Variants in CTTNBP2 observed in about 807,000 individuals in gnomAD.
CTTNBP2 encodes the protein cortactin binding protein 2, also known as cortactin-binding protein 2.
In CTTNBP2, 108 loss-of-function variants were observed where a neutral mutation model predicts 156.9. The observed-to-expected ratio is 0.69, with a 90% CI of 0.59 to 0.81. The LOEUF (loss-of-function observed/expected upper bound fraction) is 0.81. CTTNBP2 is among the 30% of genes least tolerant of loss of function. CTTNBP2 has a pLI of 0.00. For missense variants in CTTNBP2, 1,924 were observed against 2,035.4 expected (o/e 0.95, Z 1.05); for synonymous variants, 767 against 751.8 (o/e 1.02, Z -0.33).
At chr7:117,827,370 C>T (rs1801346392) in intron 2 of CTTNBP2, among the ~76,000 whole-genome samples, 1 of 152,116 alleles carries the variant, frequency 6.6e-6, no homozygotes, top group Non-Finnish European at 1.5e-5. Context: ...ACAGGAGTTT[C>T]CCCCACTTGT....
intron 3 of CTTNBP2, among the ~76,000 whole-genome samples, chr7:117,802,044 C>T (rs1400494544): frequency 1.4e-5 from 2 of 143,206 alleles, no homozygotes; most frequent in Non-Finnish European, 3.1e-5. Context: ...TCTCCCAATG[C>T]TATCCCTCCC....
chr7:117,719,487 C>A lies in CTTNBP2; in HGVS notation c.4644+17G>T. 1 of 1,608,338 alleles carries A rather than the reference C, an allele frequency of 6.2e-7. No homozygotes were observed. Among genetic ancestry groups the A allele is most frequent in the South Asian group, 1.1e-5 (1 of 90,124 alleles). On this transcript the variant is annotated intron_variant, in intron 21 of 22. Coordinates refer to ENST00000160373, the MANE Select transcript of CTTNBP2 (RefSeq NM_033427.3). Reference sequence around the variant, plus strand: ...GTTGAGTAGAGCCATTCAATGCCCCCCATTTGTACTGCTCACCTTGCTGAT... The same window carrying A: ...GTTGAGTAGAGCCATTCAATGCCCCACATTTGTACTGCTCACCTTGCTGAT...
intron 3 of CTTNBP2, among the ~76,000 whole-genome samples, chr7:117,797,955 C>G (rs1799413935): frequency 6.6e-6 from 1 of 152,078 alleles, no homozygotes; most frequent in Non-Finnish European, 1.5e-5. Flanking sequence ...ATCCAGGAAG[C>G]TCAGCAATTT....
intron 2 of CTTNBP2, among the ~76,000 whole-genome samples, chr7:117,817,560 A>G (rs1025302661): frequency 1.3e-5 from 2 of 151,008 alleles, no homozygotes; most frequent in Non-Finnish European, 2.9e-5. Flanking sequence ...AATAAAAGAA[A>G]GCGTACTTAA....
At chr7:117,817,862 C>A (rs1269589149) in intron 2 of CTTNBP2, among the ~76,000 whole-genome samples, 2 of 152,068 alleles carry the variant, frequency 1.3e-5, no homozygotes, top group Admixed American at 6.6e-5. Flanking sequence ...TATAGATAAG[C>A]AGACTGAGGC....
chr7:117,853,955 GT>G (rs534296501), intron 2 of CTTNBP2, among the ~76,000 whole-genome samples: 2 of 152,060 alleles, frequency 1.3e-5, no homozygotes, highest in Non-Finnish European at 1.5e-5. Flanking sequence ...TTTTTTGTTT[GT>G]TTTTTACTAA....
At chr7:117,720,871 C>T (rs573370008) in intron 20 of CTTNBP2, among the ~76,000 whole-genome samples, 196 bp downstream of exon 20, 3 of 152,064 alleles carry the variant, frequency 2.0e-5, no homozygotes, top group Admixed American at 6.6e-5. Context: ...TTAATCTTAA[C>T]GAACAATTTA....
At chr7:117,717,721 T>C (rs1794508699) in intron 22 of CTTNBP2, among the ~76,000 whole-genome samples, 2 of 150,896 alleles carry the variant, frequency 1.3e-5, no homozygotes, top group Admixed American at 1.3e-4. Context: ...AACTACAATA[T>C]TTCTAGTTTT....
chr7:117,837,725 C>T (rs576558499), intron 2 of CTTNBP2, among the ~76,000 whole-genome samples: 2 of 152,182 alleles, frequency 1.3e-5, no homozygotes, highest in African/African-American at 4.8e-5. Context: ...TGACTGTGAT[C>T]CATCCCATGA....
At chr7:117,836,468 G>A (rs1801945310) in intron 2 of CTTNBP2, among the ~76,000 whole-genome samples, 1 of 152,178 alleles carries the variant, frequency 6.6e-6, no homozygotes, top group African/African-American at 2.4e-5. Flanking sequence ...GGAGGCTGAG[G>A]CAGGAGAATG....
At chr7:117,747,489 TG>T (rs1254698978) in intron 12 of CTTNBP2, among the ~76,000 whole-genome samples, 1 of 152,182 alleles carries the variant, frequency 6.6e-6, no homozygotes, top group African/African-American at 2.4e-5. Flanking sequence ...ACTTGAGCTT[TG>T]GGCCGCACGT....
At chr7:117,743,897 G>C (rs545845930) in intron 14 of CTTNBP2, among the ~76,000 whole-genome samples, 1 of 150,212 alleles carries the variant, frequency 6.7e-6, no homozygotes, top group East Asian at 2.0e-4. Flanking sequence ...TCTAGCCCAA[G>C]ACTGGCCTGT....
rs777493650 is a variant in CTTNBP2, at chr7:117,734,924, C to A, written c.3865G>T (p.Val1289Phe). 1 of 1,592,958 alleles carries A rather than the reference C, an allele frequency of 6.3e-7. No individual in the cohort carries two copies. Among genetic ancestry groups the A allele is most frequent in the Non-Finnish European group, 8.6e-7 (1 of 1,165,858 alleles). ...TTGCTGTTTGTTACCTTATTCACAA[C>A]TTTCCTTCGTAAGAACCTCTGCAGC... ...GLLQRFLRRK[V>F]VNKFKGQAPS... is the part of the protein sequence containing the mutation. The change falls in exon 16 of 23, where the codon GTT becomes TTT. Residue 1289 changes from valine to phenylalanine, a missense_variant. Physicochemically the swap from Val to Phe is conservative, Grantham distance 50. Coordinates refer to ENST00000160373, the MANE Select transcript of CTTNBP2 (RefSeq NM_033427.3).
At chr7:117,718,872 ATC>A (rs962380201) in intron 21 of CTTNBP2, among the ~76,000 whole-genome samples, 1 of 152,240 alleles carries the variant, frequency 6.6e-6, no homozygotes, top group African/African-American at 2.4e-5. Flanking sequence ...AAGGAAAAAT[ATC>A]TGAGGAAACT....
chr7:117,793,123 T>C (rs1458462467), intron 3 of CTTNBP2, among the ~76,000 whole-genome samples: 1 of 152,190 alleles, frequency 6.6e-6, no homozygotes, highest in Non-Finnish European at 1.5e-5. Flanking sequence ...AGCTCTGTGA[T>C]GGAATTGGTG....
Position 117,808,602 on chromosome 7 carries a change from A to C in CTTNBP2, c.414+2163T>G, listed in dbSNP as rs35212216. On this transcript the variant is annotated intron_variant, in intron 3 of 22. Transcript: ENST00000160373. ...GTCTTAGAATTACCAAAGAGATATGACCGATGTCAGATAATAAATACTTGA... is the reference window on the plus strand; with the variant it reads ...GTCTTAGAATTACCAAAGAGATATGCCCGATGTCAGATAATAAATACTTGA... Among the ~76,000 whole-genome samples, 1,397 of 152,352 alleles carry C rather than the reference A, an allele frequency of 9.2e-3. 21 individuals are homozygous for C. The highest frequency in any genetic ancestry group is 0.032 in the African/African-American group (1,318 of 41,580).
intron 12 of CTTNBP2, among the ~76,000 whole-genome samples, chr7:117,751,918 T>A (rs1006638829): frequency 3.9e-5 from 6 of 152,174 alleles, no homozygotes; most frequent in Non-Finnish European, 7.3e-5. Context: ...CTTCCACTAT[T>A]GCTGTGGAAG....
intron 5 of CTTNBP2, among the ~76,000 whole-genome samples, chr7:117,783,924 C>G (rs1287887149): frequency 6.6e-6 from 1 of 152,192 alleles, no homozygotes; most frequent in Admixed American, 6.5e-5. Flanking sequence ...CTTTCCCTCA[C>G]TGTAGCATGT....
At chr7:117,837,693 C>A (rs367565776) in intron 2 of CTTNBP2, among the ~76,000 whole-genome samples, 2 of 152,080 alleles carry the variant, frequency 1.3e-5, no homozygotes. Context: ...TTAATAATTT[C>A]GTGCATGAAA....
Sources: gnomAD v4.1 joint callset for allele counts (sites outside exome capture counted in the v4.1 genomes callset) on GRCh38, gnomAD v4.1.1 for gene constraint, MANE v1.5 for transcripts, NCBI Gene and HGNC (gene_info 2026-07-23, HGNC 2026-07-21) for gene names.